The following UBE2E3 variants were observed in gnomAD, a reference collection of about 807,000 sequenced individuals.
The protein encoded by UBE2E3 is ubiquitin-conjugating enzyme E2 E3.
UBE2E3 carries 5 observed loss-of-function variants against 23.6 expected under a neutral mutation model. The ratio of observed to expected loss-of-function variants is 0.21; its 90% CI spans 0.11 to 0.44. The LOEUF (loss-of-function observed/expected upper bound fraction) is 0.44. Ranked by LOEUF, UBE2E3 falls within the 20% of genes least tolerant of loss-of-function variation. UBE2E3 has a pLI of 0.99. For synonymous variants in UBE2E3, 78 were observed against 87.5 expected (o/e 0.89, Z 0.60); for missense variants, 81 against 249.8 (o/e 0.32, Z 4.55).
intron 3 of UBE2E3, among the ~76,000 whole-genome samples, chr2:181,029,659 C>CTTTTTTTTTTTTTTTTATTTTTTTTT (rs1686010282): frequency 8.6e-6 from 1 of 116,852 alleles, no homozygotes; most frequent in Non-Finnish European, 1.7e-5. Context: ...TGTAGACAAT[C>CTTTTTTTTTTTTTTTTATTTTTTTTT]TTTTTTTTTT....
At chr2:181,025,164 G>A (rs1685845122) in intron 3 of UBE2E3, among the ~76,000 whole-genome samples, 1 of 151,904 alleles carries the variant, frequency 6.6e-6, no homozygotes, top group South Asian at 2.1e-4. Context: ...TACTGTTTAG[G>A]ATTAGAGTGG....
At chr2:181,025,539 C>G (rs17605475) in intron 3 of UBE2E3, among the ~76,000 whole-genome samples, 35,213 of 151,604 alleles carry the variant, frequency 0.23, 4,455 homozygotes, top group Non-Finnish European at 0.28. Flanking sequence ...TTTTAGAAGA[C>G]TTGTCTAAGT....
intron 3 of UBE2E3, among the ~76,000 whole-genome samples, chr2:180,992,202 G>A (rs1559113306): frequency 1.3e-5 from 2 of 151,878 alleles, no homozygotes. Context: ...GTGTCTACTC[G>A]TTTTTAAGTT....
chr2:181,060,543 A>G (rs1475424133), intron 4 of UBE2E3, 122 bp from the exon 5 acceptor site: 1 of 1,049,138 alleles, frequency 9.5e-7, no homozygotes, highest in Non-Finnish European at 1.3e-6. Flanking sequence ...ACCTAATCTA[A>G]GTTTAGCTCC....
chr2:181,060,934 A>G, intron 5 of UBE2E3, 122 bp downstream of exon 5: 1 of 1,026,758 alleles, frequency 9.7e-7, no homozygotes, highest in Non-Finnish European at 1.3e-6. Flanking sequence ...ATTCATAGAA[A>G]GATCCCCATA....
intron 3 of UBE2E3, among the ~76,000 whole-genome samples, chr2:181,055,894 CTT>C (rs1260141347): frequency 3.3e-5 from 5 of 151,688 alleles, no homozygotes; most frequent in Admixed American, 2.0e-4. Flanking sequence ...AACTATCTCT[CTT>C]GTTTGTATTT....
At chr2:181,030,961 T>G (rs530193885) in intron 3 of UBE2E3, among the ~76,000 whole-genome samples, 57 of 152,314 alleles carry the variant, frequency 3.7e-4, no homozygotes, top group African/African-American at 1.3e-3. Flanking sequence ...GTTTCACTAG[T>G]TTATACTATT....
At chr2:180,995,558 A>G (rs151122834) in intron 3 of UBE2E3, among the ~76,000 whole-genome samples, 55 of 152,136 alleles carry the variant, frequency 3.6e-4, no homozygotes, top group Middle Eastern at 3.4e-3. Context: ...TTTCTAATCT[A>G]TAAGGTTCTC....
intron 3 of UBE2E3, among the ~76,000 whole-genome samples, chr2:181,046,077 A>G (rs1424504032): frequency 6.6e-6 from 1 of 152,182 alleles, no homozygotes; most frequent in Non-Finnish European, 1.5e-5. Context: ...TATTTTCAGT[A>G]CCCACTAGTG....
chr2:181,044,172 G>C (rs1040008234), intron 3 of UBE2E3, among the ~76,000 whole-genome samples: 1 of 151,992 alleles, frequency 6.6e-6, no homozygotes, highest in Non-Finnish European at 1.5e-5. Context: ...CTGGTCTTTG[G>C]TAGGGCCAGG....
At chr2:181,048,569 AT>A (rs1339768296) in intron 3 of UBE2E3, among the ~76,000 whole-genome samples, 2 of 152,092 alleles carry the variant, frequency 1.3e-5, no homozygotes, top group African/African-American at 4.8e-5. Context: ...GGAAGATAAA[AT>A]CATGGGAACC....
chr2:181,037,630 G>GT (rs1686339692), intron 3 of UBE2E3, among the ~76,000 whole-genome samples: 1 of 152,166 alleles, frequency 6.6e-6, no homozygotes, highest in Admixed American at 6.6e-5. Context: ...TTTAAGCTCA[G>GT]TGTTACTACA....
intron 3 of UBE2E3, among the ~76,000 whole-genome samples, chr2:181,043,686 TAATC>T (rs146619484): frequency 0.019 from 2,936 of 152,232 alleles, 92 homozygotes; most frequent in African/African-American, 0.067. Flanking sequence ...ACCATAGACA[TAATC>T]AATGTTATTT....
At chr2:181,057,117 G>T (rs988393085) in intron 3 of UBE2E3, among the ~76,000 whole-genome samples, 2 of 151,788 alleles carry the variant, frequency 1.3e-5, no homozygotes, top group African/African-American at 2.4e-5. Flanking sequence ...GGAGAATAAA[G>T]ACACAGGAAA....
intron 3 of UBE2E3, among the ~76,000 whole-genome samples, chr2:181,051,843 T>C (rs2105474100): frequency 6.6e-6 from 1 of 152,026 alleles, no homozygotes; most frequent in Middle Eastern, 3.4e-3. Flanking sequence ...ATGAGCTAGT[T>C]TTATAATTAC....
chr2:181,028,886 T>G (rs555466126), intron 3 of UBE2E3, among the ~76,000 whole-genome samples: 1 of 152,288 alleles, frequency 6.6e-6, no homozygotes, highest in Admixed American at 6.5e-5. Flanking sequence ...TATCAGTCTC[T>G]TATATGATTA....
intron 3 of UBE2E3, among the ~76,000 whole-genome samples, chr2:181,006,510 A>T (rs189876360): frequency 1.3e-5 from 2 of 152,132 alleles, no homozygotes; most frequent in African/African-American, 2.4e-5. Flanking sequence ...AATAATTTTT[A>T]TAAGTATGTC....
At chr2:181,039,207 A>G (rs1050217764) in intron 3 of UBE2E3, among the ~76,000 whole-genome samples, 2 of 133,422 alleles carry the variant, frequency 1.5e-5, no homozygotes, top group South Asian at 2.3e-4. Context: ...GATATGCTCT[A>G]TATCATGGTT....
intron 3 of UBE2E3, among the ~76,000 whole-genome samples, chr2:181,023,525 CAAG>C (rs751489583): frequency 2.2e-4 from 33 of 152,276 alleles, no homozygotes; most frequent in Admixed American, 4.6e-4. Context: ...CTTTGTGGCA[CAAG>C]AAGACAGAGG....
Sources: gnomAD v4.1 joint callset for allele counts (sites outside exome capture counted in the v4.1 genomes callset) on GRCh38, gnomAD v4.1.1 for gene constraint, MANE v1.5 for transcripts, NCBI Gene and HGNC (gene_info 2026-07-23, HGNC 2026-07-21) for gene names.